The following NAAA variants were observed in gnomAD, a reference collection of about 807,000 sequenced individuals.
NAAA encodes the protein N-acylethanolamine acid amidase.
NAAA carries 39 observed loss-of-function variants against 44.8 expected under a neutral mutation model. The ratio of observed to expected loss-of-function variants is 0.87; its 90% CI spans 0.67 to 1.14. The LOEUF is 1.14. Ranked by LOEUF, NAAA falls within the 50% of genes most tolerant of loss-of-function variation. The pLI, the probability that NAAA is intolerant of heterozygous loss-of-function variation, is 0.00. For synonymous variants in NAAA, 178 were observed against 191.3 expected, an observed-to-expected ratio of 0.93 and a Z score of 0.58; for missense variants, 460 against 467.8, an observed-to-expected ratio of 0.98 and a Z score of 0.15.
downstream of NAAA, among the ~76,000 whole-genome samples, chr4:75,913,212 T>A (rs1230369428): frequency 6.6e-6 from 1 of 152,092 alleles, no homozygotes; most frequent in Non-Finnish European, 1.5e-5. Context: ...AAATGTAGAT[T>A]CACTGAGCAC....
chr4:75,922,390 A>G (rs1726256020), intron 5 of NAAA, among the ~76,000 whole-genome samples: 1 of 151,920 alleles, frequency 6.6e-6, no homozygotes, highest in African/African-American at 2.4e-5. Flanking sequence ...AAAAAAAAAA[A>G]AAAAGAAATG....
chr4:75,914,888 T>C lies in NAAA; in HGVS notation c.*16A>G. ...CAAACCTTTCACAGCACGGGCGAAC[T>C]CGCTCTTCTGCTGACTTACTTTCTA... On this transcript the variant is annotated 3_prime_UTR_variant, in exon 10 of 11. Coordinates refer to ENST00000286733, the MANE Select transcript of NAAA (RefSeq NM_014435.4). 6.2e-7 allele frequency: 1 copy of C among 1,613,814 alleles called. No individual in the cohort carries two copies. The highest frequency in any genetic ancestry group is 8.5e-7 in the Non-Finnish European group (1 of 1,179,762).
chr4:75,916,778 CTTTTTTTTTTT>C (rs35739236), intron 9 of NAAA, among the ~76,000 whole-genome samples: 3 of 76,978 alleles, frequency 3.9e-5, no homozygotes, highest in African/African-American at 4.7e-5. Context: ...TTCATCACTT[CTTTTTTTTTTT>C]TTTTTTTTTT....
chr4:75,939,739 C>A (rs945375947), intron 2 of NAAA: 9 of 457,768 alleles, frequency 2.0e-5, no homozygotes, highest in African/African-American at 1.8e-4. Context: ...TAAAAGTACG[C>A]TACCTGGATT....
In NAAA at chr4:75,921,063, T is replaced by C; in HGVS notation, c.727A>G (p.Ile243Val). The change falls in exon 6 of 11, where the codon ATT becomes GTT. Residue 243 changes from isoleucine to valine, a missense_variant. Ile to Val is a conservative substitution (Grantham distance 29). Coordinates refer to ENST00000286733, the MANE Select transcript of NAAA (RefSeq NM_014435.4). ...AVGKLAKTPL[I>V]ADVYYIVGGT... ...CCAACAATGTAATAAACATCAGCAA[T>C]AAGGGGAGTCTTGGCCAACTTGCCA... The C allele has an allele frequency of 6.2e-7, 1 of 1,601,540 alleles. No homozygotes were observed. The highest frequency in any genetic ancestry group is 1.1e-5 in the South Asian group (1 of 88,144).
At chr4:75,927,226 G>T (rs1053499802) in intron 4 of NAAA, among the ~76,000 whole-genome samples, 3 of 151,964 alleles carry the variant, frequency 2.0e-5, no homozygotes, top group Non-Finnish European at 4.4e-5. Context: ...GACCAAAGTG[G>T]GTGGATCACT....
chr4:75,923,832 C>T (rs1432278002), intron 5 of NAAA, among the ~76,000 whole-genome samples: 3 of 152,118 alleles, frequency 2.0e-5, no homozygotes, highest in Admixed American at 1.3e-4. Flanking sequence ...GCCACCGCGC[C>T]CGGCCCATCT....
intron 9 of NAAA, among the ~76,000 whole-genome samples, 154 bp from the exon 10 acceptor site, chr4:75,915,139 C>T (rs1174409809): frequency 6.6e-6 from 1 of 152,156 alleles, no homozygotes; most frequent in Non-Finnish European, 1.5e-5. Flanking sequence ...GGTCAAAGTG[C>T]ACTTTCCTCC....
At chr4:75,939,813 T>C (rs1728069059) in intron 2 of NAAA, 188 bp downstream of exon 2, 1 of 626,080 alleles carries the variant, frequency 1.6e-6, no homozygotes, top group Non-Finnish European at 2.7e-6. Context: ...GAGAATCTGC[T>C]TTCCCTCTCG....
At chr4:75,935,011 C>T (rs1727585095) in intron 3 of NAAA, 1 of 151,158 alleles carries the variant, frequency 6.6e-6, no homozygotes, top group Non-Finnish European at 1.5e-5. Flanking sequence ...ATAATATTAT[C>T]CTTCATTCAG....
intron 2 of NAAA, 71 bp downstream of exon 2, chr4:75,939,930 C>T (rs191269204): frequency 2.2e-5 from 35 of 1,556,160 alleles, no homozygotes; most frequent in Non-Finnish European, 2.7e-5. Flanking sequence ...GAAAATATGT[C>T]TCCTCCCGCT....
At chr4:75,923,789 C>T (rs899478903) in intron 5 of NAAA, among the ~76,000 whole-genome samples, 1 of 152,124 alleles carries the variant, frequency 6.6e-6, no homozygotes, top group East Asian at 1.9e-4. Context: ...TTCTCTGCCT[C>T]GGCCTCCCAA....
At chr4:75,914,378 ATTTT>A in intron 10 of NAAA, 40 bp from the exon 11 acceptor site, 12 of 723,196 alleles carry the variant, frequency 1.7e-5, no homozygotes, top group South Asian at 6.4e-5. Context: ...TCAAAGACTG[ATTTT>A]TTTTTTTTTT....
At chr4:75,924,101 C>G (rs911157192) in intron 5 of NAAA, among the ~76,000 whole-genome samples, 2 of 152,204 alleles carry the variant, frequency 1.3e-5, no homozygotes, top group Non-Finnish European at 2.9e-5. Flanking sequence ...CTTTGCTCTT[C>G]TCTTTCTTTC....
intron 4 of NAAA, among the ~76,000 whole-genome samples, chr4:75,930,014 G>A (rs1462812825): frequency 6.6e-6 from 1 of 152,080 alleles, no homozygotes; most frequent in African/African-American, 2.4e-5. Context: ...GGCTGAGCCC[G>A]GGAGGCAGAG....
rs1728235502 is a variant in NAAA, at chr4:75,940,935, G to T, written c.15C>A (p.Asp5Glu). The T allele has an allele frequency of 1.9e-5, 29 of 1,497,694 alleles. No homozygotes were observed. The highest frequency in any genetic ancestry group is 2.6e-5 in the Non-Finnish European group (29 of 1,132,096). The allele number at this position is 1,497,694 out of a possible 1,614,324, so 92.8% of individuals were successfully genotyped here. A position where few individuals can be genotyped will look rare whatever the true frequency, so the allele number is the denominator to read the frequency against. The change falls in exon 1 of 11, where the codon GAC (aspartate) becomes GAA (glutamate). Residue 5 changes from aspartate (D) to glutamate (E), a missense_variant. By Grantham distance (45) the Asp-to-Glu change is conservative. Transcript: ENST00000286733. MRTADREARPGLPSL... is the reference protein window; with the variant it reads MRTAEREARPGLPSL... The stretch of plus-strand genomic sequence containing the variant: ...ACGGAAGCCCCGGGCGCGCCTCCCG[G>T]TCCGCGGTCCGCATGGCTCGGGCTC...
At chr4:75,919,868 C>T in intron 8 of NAAA, 41 bp downstream of exon 8, 1 of 1,555,990 alleles carries the variant, frequency 6.4e-7, no homozygotes, top group African/African-American at 1.4e-5. Context: ...TAACAAAACA[C>T]CAAACATCCT....
chr4:75,940,500 G>A (rs1345767794), intron 1 of NAAA, among the ~76,000 whole-genome samples: 2 of 152,362 alleles, frequency 1.3e-5, no homozygotes, highest in East Asian at 3.9e-4. Flanking sequence ...GACAACTCGC[G>A]CGCCACGCTG....
chr4:75,937,958 A>G (rs962096481), intron 2 of NAAA, among the ~76,000 whole-genome samples: 5 of 152,254 alleles, frequency 3.3e-5, no homozygotes, highest in Non-Finnish European at 1.5e-5. Context: ...AGTGTGATGC[A>G]GCAGTGCACA....
Sources: allele counts gnomAD v4.1 joint callset (sites outside exome capture counted in the v4.1 genomes callset), GRCh38; gene constraint gnomAD v4.1.1; transcripts MANE v1.5; gene names NCBI Gene and HGNC (gene_info 2026-07-23, HGNC 2026-07-21).